Variants in NOL10 observed in about 807,000 individuals in gnomAD.
The protein encoded by NOL10 is nucleolar protein 10.
Under a neutral mutation model 103.5 loss-of-function variants are expected in NOL10, and 58 were observed. That is an observed-to-expected ratio of 0.56 (90% CI 0.45 to 0.70). NOL10 has a LOEUF of 0.70. Ranked by LOEUF, NOL10 falls within the 30% of genes least tolerant of loss-of-function variation. The pLI, the probability that NOL10 is intolerant of heterozygous loss-of-function variation, is 0.00. For missense variants in NOL10, 763 were observed against 807.3 expected, an observed-to-expected ratio of 0.95 and a Z score of 0.67; for synonymous variants, 287 against 282.5, an observed-to-expected ratio of 1.02 and a Z score of -0.16.
Position 10,620,416 on chromosome 2 carries a change from G to T in NOL10, c.1027-13105C>A, listed in dbSNP as rs772985395. Among the ~76,000 whole-genome samples, 4 of 152,306 alleles carry T rather than the reference G, an allele frequency of 2.6e-5. No individual in the cohort carries two copies. The South Asian group carries it at 6.2e-4, about 24-fold the overall frequency. ...CTTAACAGTGCTATTCTAGGAAGGT[G>T]AAAAAATATATTAACACCATTTAGC... On this transcript the variant is annotated intron_variant, in intron 13 of 20. Coordinates refer to ENST00000381685, the MANE Select transcript of NOL10 (RefSeq NM_024894.4).
chr2:10,643,152 G>A (rs1055268294), intron 13 of NOL10, among the ~76,000 whole-genome samples: 3 of 152,166 alleles, frequency 2.0e-5, no homozygotes, highest in African/African-American at 7.2e-5. Flanking sequence ...CTGTTTGAAC[G>A]GCCTTCATTT....
chr2:10,577,651 T>C lies in NOL10; in HGVS notation c.1932A>G (p.Thr644=), dbSNP rs2148141220. ...SDTTVGSKQL[T]FTLKRSEQQK... The stretch of plus-strand genomic sequence containing the variant: ...GACAACTCACCCTCTTTAACGTGAA[T>C]GTCAATTGTTTGCTGCCAACGGTGG... The change falls in exon 20 of 21, where the codon ACA becomes ACG. Residue 644 remains threonine, a synonymous_variant. Coordinates refer to ENST00000381685, the MANE Select transcript of NOL10 (RefSeq NM_024894.4). 1 of 1,610,378 alleles carries C rather than the reference T, an allele frequency of 6.2e-7. No homozygotes were observed. The highest frequency in any genetic ancestry group is 2.2e-5 in the East Asian group (1 of 44,866).
intron 13 of NOL10, among the ~76,000 whole-genome samples, chr2:10,641,921 T>G (rs1678721243): frequency 6.6e-6 from 1 of 152,084 alleles, no homozygotes; most frequent in Non-Finnish European, 1.5e-5. Context: ...ACACTGAGAG[T>G]GCTTTTCACC....
chr2:10,663,171 A>C, intron 8 of NOL10, 127 bp from the exon 9 acceptor site: 1 of 645,272 alleles, frequency 1.5e-6, no homozygotes, highest in South Asian at 1.8e-5. Flanking sequence ...GTTTGAGACT[A>C]GTCTGACTAA....
At chr2:10,637,916 C>G (rs1362829425) in intron 13 of NOL10, among the ~76,000 whole-genome samples, 1 of 146,976 alleles carries the variant, frequency 6.8e-6, no homozygotes, top group Admixed American at 6.7e-5. Context: ...AATATTTAAT[C>G]AGTGTTTTAT....
chr2:10,668,669 T>A lies in NOL10; in HGVS notation c.519A>T (p.Gln173His). ...CTAAAACTACTCACGCAGCATCAGT[T>A]TGTAGAGGATTCAGGTATCGTCCTT... Reference protein sequence around the residue: ...LEQGRYLNPLQTDAAENNVCD... With the variant: ...LEQGRYLNPLHTDAAENNVCD... Residue 173 changes from glutamine (Q) to histidine (H), a missense_variant, in exon 7 of 21, where the codon CAA becomes CAT. By Grantham distance (24) the Gln-to-His change is conservative. Coordinates refer to ENST00000381685, the MANE Select transcript of NOL10 (RefSeq NM_024894.4). The A allele has an allele frequency of 6.5e-7, 1 of 1,534,460 alleles. No individual in the cohort carries two copies. Among genetic ancestry groups the A allele is most frequent in the South Asian group, 1.2e-5 (1 of 82,694 alleles).
rs1478835170 is a variant in NOL10, at chr2:10,602,866, C to G, written c.1242G>C (p.Leu414=). 6.3e-7 allele frequency: 1 copy of G among 1,589,680 alleles called. No individual in the cohort carries two copies. The highest frequency in any genetic ancestry group is 2.2e-5 in the East Asian group (1 of 44,770). ...MDIRLYHKVK[L]MVNPFAYEEY... Reference sequence around the variant, plus strand: ...CTTCATAAGCAAATGGATTTACCATCAGTTTCACCTTTTCAAAATGAAAAA... The same window carrying G: ...CTTCATAAGCAAATGGATTTACCATGAGTTTCACCTTTTCAAAATGAAAAA... The change falls in exon 16 of 21, where the codon CTG becomes CTC. Residue 414 remains leucine, a synonymous_variant. Transcript: ENST00000381685.
intron 11 of NOL10, among the ~76,000 whole-genome samples, chr2:10,655,237 A>G (rs1055965334): frequency 1.3e-5 from 2 of 151,708 alleles, no homozygotes; most frequent in African/African-American, 4.8e-5. Flanking sequence ...GAAGAAAAGA[A>G]AGGAAGGAAG....
At chr2:10,620,923 G>GTAGC (rs1188148376) in intron 13 of NOL10, among the ~76,000 whole-genome samples, 1 of 152,254 alleles carries the variant, frequency 6.6e-6, no homozygotes, top group African/African-American at 2.4e-5. Flanking sequence ...AGCCTCCTGA[G>GTAGC]TAGCTGGGAC....
At chr2:10,613,851 T>C (rs898134810) in intron 13 of NOL10, among the ~76,000 whole-genome samples, 3 of 151,954 alleles carry the variant, frequency 2.0e-5, no homozygotes, top group Non-Finnish European at 4.4e-5. Flanking sequence ...AAAATAGATA[T>C]AAATATCAGT....
intron 1 of NOL10, among the ~76,000 whole-genome samples, chr2:10,689,028 G>C (rs1682420514): frequency 6.6e-6 from 1 of 152,216 alleles, no homozygotes; most frequent in Admixed American, 6.5e-5. Flanking sequence ...AACAAGTGCA[G>C]AGTCTCAAAA....
intron 12 of NOL10, among the ~76,000 whole-genome samples, chr2:10,644,826 C>T (rs1213821497): frequency 1.3e-5 from 2 of 152,104 alleles, no homozygotes; most frequent in Non-Finnish European, 2.9e-5. Flanking sequence ...TCTCTATAAC[C>T]CCAGGAGCAA....
intron 13 of NOL10, among the ~76,000 whole-genome samples, chr2:10,625,312 G>A (rs1351788144): frequency 6.6e-6 from 1 of 152,148 alleles, no homozygotes; most frequent in African/African-American, 2.4e-5. Context: ...ACTGGCTGCA[G>A]CAAATGGACC....
At chr2:10,665,160 TA>T (rs945491122) in intron 8 of NOL10, among the ~76,000 whole-genome samples, 4 of 152,224 alleles carry the variant, frequency 2.6e-5, no homozygotes, top group Non-Finnish European at 5.9e-5. Context: ...GAAACCTTTT[TA>T]AACTACAGCA....
intron 9 of NOL10, among the ~76,000 whole-genome samples, chr2:10,661,553 T>C (rs1433876473): frequency 6.6e-6 from 1 of 152,098 alleles, no homozygotes; most frequent in Admixed American, 6.5e-5. Flanking sequence ...GTATTTTTAG[T>C]AGAGACAGGG....
In NOL10 at chr2:10,608,788, TAGAA is replaced by T. The variant is rs1402189608; in HGVS notation, c.1027-1481_1027-1478del. Among the ~76,000 whole-genome samples, 4 of 152,300 alleles carry T rather than the reference TAGAA, an allele frequency of 2.6e-5. No individual in the cohort carries two copies. The East Asian group carries it at 7.7e-4, about 29-fold the overall frequency. On this transcript the variant is annotated intron_variant, in intron 13 of 20. Transcript: ENST00000381685. ...ATTTAGTGACATTATTTTGCCGGAT[TAGAA>T]AGAGTGATTCTCTTCACCTCAACAC...
At chr2:10,683,793 C>G (rs186664118) in intron 2 of NOL10, among the ~76,000 whole-genome samples, 101 of 152,304 alleles carry the variant, frequency 6.6e-4, no homozygotes, top group African/African-American at 2.3e-3. Context: ...AAGAGGGGAA[C>G]TGGCACAAAT....
chr2:10,682,455 A>G (rs1681842658), intron 2 of NOL10, among the ~76,000 whole-genome samples: 3 of 148,702 alleles, frequency 2.0e-5, no homozygotes, highest in Admixed American at 1.3e-4. Flanking sequence ...ACTGGAGTGC[A>G]GTGGCACAAT....
chr2:10,655,851 A>G (rs1679816349), intron 11 of NOL10, among the ~76,000 whole-genome samples: 1 of 152,208 alleles, frequency 6.6e-6, no homozygotes, highest in African/African-American at 2.4e-5. Flanking sequence ...CACAGACAAG[A>G]TGGTTTGTGT....
Sources: gnomAD v4.1 joint callset for allele counts (sites outside exome capture counted in the v4.1 genomes callset) on GRCh38, gnomAD v4.1.1 for gene constraint, MANE v1.5 for transcripts, NCBI Gene and HGNC (gene_info 2026-07-23, HGNC 2026-07-21) for gene names.